The following PDE4D variants were observed in gnomAD, a reference collection of about 807,000 sequenced individuals.
The protein encoded by PDE4D is 3',5'-cyclic-AMP phosphodiesterase 4D.
In PDE4D, 24 loss-of-function variants were observed where a neutral mutation model predicts 87.4. That is an observed-to-expected ratio of 0.27 (90% confidence interval 0.20 to 0.39). The LOEUF is 0.39. PDE4D is among the 10% of genes least tolerant of loss of function. The pLI is 1.00. For missense variants in PDE4D, 714 were observed against 1,041.0 expected (o/e 0.69, Z 4.32); for synonymous variants, 384 against 383.2 (o/e 1.00, Z -0.02).
At chr5:59,182,617 T>C (rs916257171) in intron 4 of PDE4D, among the ~76,000 whole-genome samples, 3 of 152,152 alleles carry the variant, frequency 2.0e-5, no homozygotes, top group African/African-American at 7.2e-5. Context: ...TTTCACACTC[T>C]TCTACAGTTT....
At chr5:59,945,394 C>A (rs967059816) in intron 3 of PDE4D, among the ~76,000 whole-genome samples, 1 of 152,186 alleles carries the variant, frequency 6.6e-6, no homozygotes, top group South Asian at 2.1e-4. Flanking sequence ...GGATCCAGCC[C>A]AGCCTTTTAT....
At chr5:60,202,877 G>C (rs1489819424) in intron 1 of PDE4D, among the ~76,000 whole-genome samples, 1 of 152,106 alleles carries the variant, frequency 6.6e-6, no homozygotes, top group African/African-American at 2.4e-5. Context: ...TACATCAAAA[G>C]CCTGATAAAC....
At chr5:59,329,505 A>C (rs528501913) in intron 1 of PDE4D, among the ~76,000 whole-genome samples, 12 of 152,312 alleles carry the variant, frequency 7.9e-5, no homozygotes, top group African/African-American at 2.9e-4. Context: ...GAAGTCCTTA[A>C]ATACATTATA....
At chr5:59,876,197 T>G (rs1748583586) in intron 1 of PDE4D, among the ~76,000 whole-genome samples, 1 of 152,176 alleles carries the variant, frequency 6.6e-6, no homozygotes, top group South Asian at 2.1e-4. Context: ...AAGGGTATAT[T>G]TTCCACGGTC....
intron 1 of PDE4D, among the ~76,000 whole-genome samples, chr5:59,680,557 T>C (rs1420686764): frequency 1.3e-5 from 2 of 152,108 alleles, no homozygotes; most frequent in South Asian, 2.1e-4. Context: ...TTAAAATAAG[T>C]AACAGAACCG....
intron 1 of PDE4D, among the ~76,000 whole-genome samples, chr5:60,417,547 G>A (rs1742715961): frequency 1.3e-5 from 2 of 152,172 alleles, no homozygotes; most frequent in South Asian, 4.1e-4. Flanking sequence ...TTCAGTTACA[G>A]TGTTTTATAA....
At chr5:59,640,702 T>C (rs531918691) in intron 1 of PDE4D, among the ~76,000 whole-genome samples, 8 of 152,320 alleles carry the variant, frequency 5.3e-5, no homozygotes, top group Middle Eastern at 3.4e-3. Context: ...CACCTTTCTC[T>C]ACTGCACAAA....
chr5:60,446,804 C>T (rs1745677648), intron 1 of PDE4D, among the ~76,000 whole-genome samples: 1 of 152,094 alleles, frequency 6.6e-6, no homozygotes, highest in African/African-American at 2.4e-5. Context: ...CTTGGTATGC[C>T]TGCTCATACT....
intron 1 of PDE4D, among the ~76,000 whole-genome samples, chr5:60,313,441 AAC>A (rs1755236458): frequency 6.6e-6 from 1 of 152,198 alleles, no homozygotes; most frequent in Non-Finnish European, 1.5e-5. Context: ...TCAGTAATAA[AAC>A]ACCTACCAAC....
intron 3 of PDE4D, among the ~76,000 whole-genome samples, chr5:59,933,318 T>C (rs970593666): frequency 3.3e-5 from 5 of 152,238 alleles, no homozygotes; most frequent in Non-Finnish European, 7.3e-5. Context: ...TTCCTATCTC[T>C]GTTCAATTAA....
intron 1 of PDE4D, among the ~76,000 whole-genome samples, chr5:59,645,824 C>T (rs1367041088): frequency 6.6e-6 from 1 of 152,134 alleles, no homozygotes; most frequent in Non-Finnish European, 1.5e-5. Context: ...TGGTCACAGT[C>T]CTAAGAATGT....
At chr5:59,544,792 C>A (rs1421529979) in intron 1 of PDE4D, among the ~76,000 whole-genome samples, 1 of 152,116 alleles carries the variant, frequency 6.6e-6, no homozygotes, top group Non-Finnish European at 1.5e-5. Flanking sequence ...AAATGTAACA[C>A]CCTGCCAATT....
At position 60,181,896 on chromosome 5, in the gene PDE4D, A is replaced by G. The variant is rs77257088; in HGVS notation, c.42+3661T>C. Among the ~76,000 whole-genome samples, 858 of 152,266 alleles carry G rather than the reference A, an allele frequency of 5.6e-3. 58 individuals are homozygous for G. The East Asian group carries it at 0.14, about 25-fold the overall frequency. On this transcript the variant is annotated intron_variant, in intron 2 of 16. Transcript: ENST00000502484. Reference sequence around the variant, plus strand: ...GCTAAAATTTTTACTTTAACTCCTGATTTTAAAATATATAATTACAACAAA... The same window carrying G: ...GCTAAAATTTTTACTTTAACTCCTGGTTTTAAAATATATAATTACAACAAA...
chr5:60,284,411 C>T (rs374784999), intron 1 of PDE4D, among the ~76,000 whole-genome samples: 19 of 152,162 alleles, frequency 1.2e-4, no homozygotes, highest in African/African-American at 4.6e-4. Flanking sequence ...TTTTTAGGAA[C>T]ACTGTCTTTG....
chr5:59,541,913 A>G lies in PDE4D; in HGVS notation c.456-325945T>C, dbSNP rs185297121. ...GTGACTGCTGGCTTCTGCATGATCT[A>G]CTCTTCTTCTCAGGCTGCCCATTCC... is the stretch of plus-strand genomic sequence containing the variant. On this transcript the variant is annotated intron_variant, in intron 1 of 14. Transcript: ENST00000340635. Among the ~76,000 whole-genome samples, 70 of 151,696 alleles carry G rather than the reference A, an allele frequency of 4.6e-4. 2 individuals carry two copies. The East Asian group carries it at 0.012, about 26-fold the overall frequency.
Position 60,105,238 on chromosome 5 carries a change from G to A in PDE4D, c.42+80319C>T, listed in dbSNP as rs547905195. Among the ~76,000 whole-genome samples the A allele has an allele frequency of 2.2e-4, 33 of 152,278 alleles. No homozygotes were observed. The South Asian group carries it at 3.3e-3, about 15-fold the overall frequency. ...ATGCAGAAGCCTCAGGAGCCAATGC[G>A]ATCAACTGGAAGAAAGGGTATCAGT... On this transcript the variant is annotated intron_variant, in intron 2 of 16. Coordinates refer to the PDE4D transcript ENST00000502484.
chr5:59,817,750 C>CA (rs1554091290), intron 1 of PDE4D, among the ~76,000 whole-genome samples: 11 of 150,390 alleles, frequency 7.3e-5, no homozygotes, highest in South Asian at 2.1e-4. Context: ...ACACCCCCCC[C>CA]CACACACACA....
chr5:58,997,344 A>G (rs1490181404), intron 6 of PDE4D, among the ~76,000 whole-genome samples: 1 of 152,146 alleles, frequency 6.6e-6, no homozygotes, highest in Admixed American at 6.5e-5. Flanking sequence ...CATTCAACAA[A>G]CATTTAAAAA....
Position 58,971,246 on chromosome 5 carries a change from A to G in PDE4D, c.*3418T>C, listed in dbSNP as rs1466070150. 5 of 152,604 alleles carry G rather than the reference A, an allele frequency of 3.3e-5. No individual in the cohort carries two copies. The highest frequency in any genetic ancestry group is 1.9e-4 in the East Asian group (1 of 5,186). The allele number at this position is 152,604 out of a possible 1,614,324, so 9.5% of individuals were successfully genotyped here. A position where few individuals can be genotyped will look rare whatever the true frequency, so the allele number is the denominator to read the frequency against. On this transcript the variant is annotated 3_prime_UTR_variant, in exon 15 of 15. Coordinates refer to ENST00000340635, the MANE Select transcript of PDE4D (RefSeq NM_001104631.2). ...TGCAGCTATGTTTTTTTAAATTTAT[A>G]TATCTTTAAGTATTTTATAGTTTTC...
Sources: allele counts gnomAD v4.1 joint callset (sites outside exome capture counted in the v4.1 genomes callset), GRCh38; gene constraint gnomAD v4.1.1; transcripts MANE v1.5; gene names NCBI Gene and HGNC (gene_info 2026-07-23, HGNC 2026-07-21).